RBFOX1: variants seen among roughly 807,000 people sequenced by gnomAD.
RBFOX1 encodes the protein RNA binding fox-1 homolog 1, also known as RNA binding protein fox-1 homolog 1.
RBFOX1 carries 8 observed loss-of-function variants against 57.7 expected under a neutral mutation model. The observed-to-expected ratio is 0.14, with a 90% CI of 0.08 to 0.25. The LOEUF (loss-of-function observed/expected upper bound fraction) is 0.25, where lower values mean the gene tolerates loss of function less well. Among genes scored for constraint, RBFOX1 ranks in the 10% least tolerant of loss-of-function variants. RBFOX1 has a pLI of 1.00. For synonymous variants in RBFOX1, 326 were observed against 222.4 expected, an observed-to-expected ratio of 1.47 and a Z score of -4.15; for missense variants, 611 against 548.5, an observed-to-expected ratio of 1.11 and a Z score of -1.14.
At chr16:5,369,286 G>A (rs2065802007) in intron 1 of RBFOX1, among the ~76,000 whole-genome samples, 1 of 152,188 alleles carries the variant, frequency 6.6e-6, no homozygotes, top group South Asian at 2.1e-4. Flanking sequence ...ACAGGCATAA[G>A]CCACCGTGCC....
intron 3 of RBFOX1, among the ~76,000 whole-genome samples, chr16:6,769,789 A>T (rs2077995089): frequency 6.6e-6 from 1 of 152,186 alleles, no homozygotes; most frequent in Non-Finnish European, 1.5e-5. Flanking sequence ...ACCTCTAGAA[A>T]AGTCAGGGTT....
chr16:5,518,696 G>A (rs1032574834), intron 2 of RBFOX1, among the ~76,000 whole-genome samples: 3 of 152,178 alleles, frequency 2.0e-5, no homozygotes, highest in Non-Finnish European at 4.4e-5. Flanking sequence ...TGCAACTCTA[G>A]GGAGTCCTTT....
chr16:7,583,952 A>G (rs2093957924), intron 6 of RBFOX1, among the ~76,000 whole-genome samples: 1 of 152,200 alleles, frequency 6.6e-6, no homozygotes, highest in Non-Finnish European at 1.5e-5. Context: ...GGAAGATTTC[A>G]AGATCACTTT....
At chr16:6,386,533 T>G (rs895223144) in intron 2 of RBFOX1, among the ~76,000 whole-genome samples, 1 of 152,154 alleles carries the variant, frequency 6.6e-6, no homozygotes, top group South Asian at 2.1e-4. Context: ...CGAGCTTATA[T>G]TTGGTGGAAA....
At chr16:6,453,269 C>A (rs8046505) in intron 2 of RBFOX1, among the ~76,000 whole-genome samples, 1 of 152,108 alleles carries the variant, frequency 6.6e-6, no homozygotes, top group African/African-American at 2.4e-5. Context: ...TCTAGCCCCC[C>A]ACCCCTTGAC....
At chr16:7,564,610 C>T (rs973359599) in intron 5 of RBFOX1, among the ~76,000 whole-genome samples, 2 of 147,556 alleles carry the variant, frequency 1.4e-5, no homozygotes, top group Non-Finnish European at 3.0e-5. Flanking sequence ...TTCCCAGGAG[C>T]TGAGTTGGCT....
chr16:7,569,819 G>A (rs1037588604), intron 5 of RBFOX1, among the ~76,000 whole-genome samples: 1 of 151,146 alleles, frequency 6.6e-6, no homozygotes, highest in African/African-American at 2.4e-5. Context: ...AGTGAGCCTT[G>A]ATCATTCCAG....
chr16:5,999,311 T>G (rs2060545914), intron 4 of RBFOX1, among the ~76,000 whole-genome samples: 1 of 152,184 alleles, frequency 6.6e-6, no homozygotes, highest in East Asian at 1.9e-4. Context: ...CCAAACTAAC[T>G]TTGGCTTTTT....
At chr16:6,709,957 T>G (rs1193290565) in intron 3 of RBFOX1, among the ~76,000 whole-genome samples, 1 of 152,062 alleles carries the variant, frequency 6.6e-6, no homozygotes, top group Non-Finnish European at 1.5e-5. Flanking sequence ...ATTTTGTGAG[T>G]TGGCAGACGG....
intron 4 of RBFOX1, among the ~76,000 whole-genome samples, chr16:6,007,118 A>T (rs1196530129): frequency 1.3e-5 from 2 of 152,266 alleles, no homozygotes; most frequent in African/African-American, 4.8e-5. Context: ...ACCCTCTAAG[A>T]TGGCACTAAA....
At chr16:6,514,156 CT>C (rs2096318424) in intron 2 of RBFOX1, among the ~76,000 whole-genome samples, 2 of 152,196 alleles carry the variant, frequency 1.3e-5, no homozygotes, top group African/African-American at 4.8e-5. Context: ...ATCCAGTGCT[CT>C]TTCTGCTTTT....
At chr16:6,428,699 G>T (rs930371603) in intron 2 of RBFOX1, among the ~76,000 whole-genome samples, 5 of 152,152 alleles carry the variant, frequency 3.3e-5, no homozygotes, top group Non-Finnish European at 7.4e-5. Context: ...GAAATCTACA[G>T]TGAGAAGAAT....
At chr16:7,639,668 C>A (rs1052661214) in intron 11 of RBFOX1, among the ~76,000 whole-genome samples, 2 of 151,984 alleles carry the variant, frequency 1.3e-5, no homozygotes, top group Non-Finnish European at 2.9e-5. Flanking sequence ...GAAGTAACAC[C>A]CAACAGGAGA....
intron 2 of RBFOX1, among the ~76,000 whole-genome samples, chr16:6,337,176 A>G (rs1279980372): frequency 6.6e-6 from 1 of 152,202 alleles, no homozygotes; most frequent in Non-Finnish European, 1.5e-5. Flanking sequence ...AAATCCACCC[A>G]CCATGTGGCA....
chr16:5,763,438 G>C (rs973217532), intron 3 of RBFOX1, among the ~76,000 whole-genome samples: 1 of 152,212 alleles, frequency 6.6e-6, no homozygotes, highest in African/African-American at 2.4e-5. Context: ...CCCATGTCTT[G>C]GAGGGAGACA....
chr16:5,829,487 G>A (rs1212615628), intron 3 of RBFOX1, among the ~76,000 whole-genome samples: 2 of 152,142 alleles, frequency 1.3e-5, no homozygotes, highest in African/African-American at 4.8e-5. Context: ...ATTTGGGGGA[G>A]GAGGAGGGTG....
At chr16:5,813,374 G>T (rs376055199) in intron 3 of RBFOX1, among the ~76,000 whole-genome samples, 1 of 152,022 alleles carries the variant, frequency 6.6e-6, no homozygotes, top group Non-Finnish European at 1.5e-5. Context: ...CAGAAAACTC[G>T]TACCCATTAA....
At chr16:6,203,390 T>C (rs978464064) in intron 1 of RBFOX1, among the ~76,000 whole-genome samples, 5 of 152,192 alleles carry the variant, frequency 3.3e-5, no homozygotes, top group Non-Finnish European at 7.3e-5. Context: ...CATTATGACC[T>C]CTGGGTCTGT....
chr16:7,249,336 G>A (rs2094427584), intron 4 of RBFOX1, among the ~76,000 whole-genome samples: 1 of 152,038 alleles, frequency 6.6e-6, no homozygotes. Flanking sequence ...AATAAGATAG[G>A]AGGAGCCTGG....
Sources: allele counts gnomAD v4.1 joint callset (sites outside exome capture counted in the v4.1 genomes callset), GRCh38; gene constraint gnomAD v4.1.1; transcripts MANE v1.5; gene names NCBI Gene and HGNC (gene_info 2026-07-23, HGNC 2026-07-21).